The following BBOF1 variants were observed in gnomAD, a reference collection of about 807,000 sequenced individuals.
BBOF1 encodes the protein basal body orientation factor 1.
BBOF1 carries 62 observed loss-of-function variants against 68.0 expected under a neutral mutation model. That is an observed-to-expected ratio of 0.91 (90% confidence interval 0.74 to 1.13). The LOEUF is 1.13. Among genes scored for constraint, BBOF1 ranks in the 50% most tolerant of loss-of-function variants. The pLI, the probability that BBOF1 is intolerant of heterozygous loss-of-function variation, is 0.00. For synonymous variants in BBOF1, 208 were observed against 198.8 expected (o/e 1.05, Z -0.39); for missense variants, 534 against 600.1 (o/e 0.89, Z 1.15).
chr14:74,057,064 A>G, intron 10 of BBOF1, 80 bp from the exon 11 acceptor site: 5 of 1,593,682 alleles, frequency 3.1e-6, no homozygotes, highest in Non-Finnish European at 4.3e-6. Flanking sequence ...ATTGAAAGTA[A>G]TATGACAAGT....
chr14:74,063,327 T>G (rs9652371), intron 11 of BBOF1, among the ~76,000 whole-genome samples: 1 of 151,144 alleles, frequency 6.6e-6, no homozygotes, highest in South Asian at 2.1e-4. Context: ...GCTGGGATTA[T>G]AGGCACCTGC....
At chr14:74,080,400 C>T (rs1444778279) in intron 10 of BBOF1, among the ~76,000 whole-genome samples, 2 of 142,710 alleles carry the variant, frequency 1.4e-5, no homozygotes, top group Non-Finnish European at 3.0e-5. Context: ...CAGAGTCTCA[C>T]TCTGTCACCC....
At chr14:74,045,597 C>G (rs1355049489) in intron 5 of BBOF1, among the ~76,000 whole-genome samples, 1 of 152,214 alleles carries the variant, frequency 6.6e-6, no homozygotes, top group South Asian at 2.1e-4. Flanking sequence ...GCGTGAGCCA[C>G]CGCGCCCGGA....
At position 74,072,540 on chromosome 14, in the gene BBOF1, G is replaced by C. The variant is rs2060564597; in HGVS notation, n.1380-5656G>C. The C allele has an allele frequency of 1.2e-6, 2 of 1,613,980 alleles. No individual in the cohort carries two copies. Among genetic ancestry groups the C allele is most frequent in the Non-Finnish European group, 1.7e-6 (2 of 1,180,040 alleles). On this transcript the variant is annotated intron_variant and non_coding_transcript_variant, in intron 9 of 12. Coordinates refer to the BBOF1 transcript ENST00000492026. The stretch of plus-strand genomic sequence containing the variant: ...GTCCCAAAGCAGCTTCGCTTACTGG[G>C]TTGTGGATATCGATCCATTTGTCAC...
intron 3 of BBOF1, among the ~76,000 whole-genome samples, chr14:74,032,131 T>A (rs1027894007): frequency 4.3e-4 from 63 of 146,196 alleles, no homozygotes; most frequent in Non-Finnish European, 7.4e-4. Context: ...TTTTTTTTTT[T>A]TTTTTTTTTT....
At chr14:74,057,378 A>AGT in intron 11 of BBOF1, 120 bp downstream of exon 11, 1 of 1,555,126 alleles carries the variant, frequency 6.4e-7, no homozygotes, top group Non-Finnish European at 8.7e-7. Flanking sequence ...CAGTGGAATG[A>AGT]GTAATAAATA....
intron 3 of BBOF1, among the ~76,000 whole-genome samples, chr14:74,033,264 C>G (rs539156783): frequency 6.6e-6 from 1 of 152,110 alleles, no homozygotes; most frequent in Non-Finnish European, 1.5e-5. Context: ...GAAATGAAAA[C>G]TTTATGCAAA....
chr14:74,064,766 A>G lies in BBOF1; in HGVS notation c.*67A>G. 4 of 1,611,490 alleles carry G rather than the reference A, an allele frequency of 2.5e-6. No individual in the cohort carries two copies. The highest frequency in any genetic ancestry group is 1.3e-5 in the African/African-American group (1 of 75,030). On this transcript the variant is annotated 3_prime_UTR_variant, in exon 12 of 12. Transcript: ENST00000394009. ...TTCCTTGCAGAATCCTTGCTCCTGAATATCTTTAAGAAAATTTCTTAAAGG... is the reference window on the plus strand; with the variant it reads ...TTCCTTGCAGAATCCTTGCTCCTGAGTATCTTTAAGAAAATTTCTTAAAGG...
chr14:74,073,298 G>A (rs2060574820), intron 9 of BBOF1, among the ~76,000 whole-genome samples: 1 of 151,442 alleles, frequency 6.6e-6, no homozygotes, highest in Non-Finnish European at 1.5e-5. Context: ...TAGAGACGGG[G>A]TTTGGCCATA....
intron 7 of BBOF1, among the ~76,000 whole-genome samples, chr14:74,049,065 G>C (rs999094952): frequency 1.5e-4 from 23 of 152,008 alleles, no homozygotes; most frequent in African/African-American, 5.6e-4. Context: ...GTAGAGACAG[G>C]GTTTTGCTAT....
intron 4 of BBOF1, among the ~76,000 whole-genome samples, chr14:74,037,222 C>T (rs1208545043): frequency 6.7e-6 from 1 of 149,486 alleles, no homozygotes; most frequent in Non-Finnish European, 1.5e-5. Flanking sequence ...ATCTGCCCAC[C>T]TCGGCCTCCC....
rs754570761 is a variant in BBOF1 at position 74,057,220 on chromosome 14, C to T, written c.1540C>T (p.Leu514=). The T allele has an allele frequency of 6.2e-7, 1 of 1,613,784 alleles. No homozygotes were observed. The highest frequency in any genetic ancestry group is 8.5e-7 in the Non-Finnish European group (1 of 1,179,692). Residue 514 remains leucine (L), a synonymous_variant, in exon 11 of 12, where the codon CTA becomes TTA. Transcript: ENST00000394009. ...AISDSSGEVV[L]PTIPKEPQES... is the part of the protein sequence containing the mutation. ...ATCAGACTCTTCTGGTGAAGTGGTG[C>T]TACCCACTATTCCAAAAGAACCTCA...
intron 8 of BBOF1, 141 bp downstream of exon 8, chr14:74,050,336 T>G: frequency 1.1e-6 from 1 of 923,070 alleles, no homozygotes; most frequent in Non-Finnish European, 1.6e-6. Flanking sequence ...AGGAACTGAC[T>G]TATTCATCTT....
At chr14:74,038,934 T>G (rs980294092) in intron 4 of BBOF1, among the ~76,000 whole-genome samples, 2 of 152,128 alleles carry the variant, frequency 1.3e-5, no homozygotes, top group Non-Finnish European at 1.5e-5. Context: ...GAAAAAAATG[T>G]TTTCCATATA....
At position 74,065,629 on chromosome 14, in the gene BBOF1, A is replaced by G. The variant is rs1246691146; in HGVS notation, c.*930A>G. 5 of 409,322 alleles carry G rather than the reference A, an allele frequency of 1.2e-5. No homozygotes were observed. In the East Asian group the frequency reaches 2.4e-4, roughly 19 times the overall value. The allele number at this position is 409,322 out of a possible 1,614,324, so 25.4% of individuals were successfully genotyped here. A position where few individuals can be genotyped will look rare whatever the true frequency, so the allele number is the denominator to read the frequency against. ...GGACTGTATCTTTAGTTCATGACCC[A>G]TCATCAGCTGCCTTTTTAATACCTG... On this transcript the variant is annotated 3_prime_UTR_variant, in exon 12 of 12. Coordinates refer to ENST00000394009, the MANE Select transcript of BBOF1 (RefSeq NM_025057.3).
chr14:74,068,915 C>A, downstream of BBOF1: 1 of 1,614,024 alleles, frequency 6.2e-7, no homozygotes, highest in Non-Finnish European at 8.5e-7. Flanking sequence ...GATATACTCT[C>A]CTGCCTTGTT....
intron 4 of BBOF1, among the ~76,000 whole-genome samples, chr14:74,035,698 G>C (rs2059683744): frequency 6.9e-6 from 1 of 145,652 alleles, no homozygotes; most frequent in South Asian, 2.3e-4. Flanking sequence ...CTCCCAAAGT[G>C]CTTGGATTAT....
Position 74,022,930 on chromosome 14 carries a change from CAG to C in BBOF1, c.73_74del (p.Asp25Ter). The stretch of plus-strand genomic sequence containing the variant: ...TTCCCATGCAGGAAGTTAATAAAAA[CAG>C]ATGAATCTGTGGTGGACAGAGCCAA... On this transcript the variant is annotated frameshift_variant, in exon 2 of 12. Transcript: ENST00000394009. LOFTEE classifies it high-confidence loss of function. 3.7e-6 allele frequency: 6 copies of C among 1,606,938 alleles called. No individual in the cohort carries two copies. The highest frequency in any genetic ancestry group is 5.1e-6 in the Non-Finnish European group (6 of 1,176,472).
chr14:74,041,237 AG>A (rs2059819776), intron 5 of BBOF1, among the ~76,000 whole-genome samples: 2 of 152,118 alleles, frequency 1.3e-5, no homozygotes, highest in African/African-American at 4.8e-5. Context: ...CAGGAGGCAG[AG>A]GTTGCAGTGA....
Sources: gnomAD v4.1 joint callset for allele counts (sites outside exome capture counted in the v4.1 genomes callset) on GRCh38, gnomAD v4.1.1 for gene constraint, MANE v1.5 for transcripts, NCBI Gene and HGNC (gene_info 2026-07-23, HGNC 2026-07-21) for gene names.